The following DMD variants were observed in gnomAD, a reference collection of about 807,000 sequenced individuals.
The protein encoded by DMD is mutant dystrophin.
Under a neutral mutation model 330.1 loss-of-function variants are expected in DMD, and 63 were observed. The ratio of observed to expected loss-of-function variants is 0.19; its 90% confidence interval spans 0.16 to 0.24. The LOEUF (loss-of-function observed/expected upper bound fraction) is 0.24, where lower values mean the gene tolerates loss of function less well. DMD is among the 10% of genes least tolerant of loss of function. The probability of loss-of-function intolerance (pLI) is 1.00; values close to 1 mark genes in which losing one functional copy is unlikely to be tolerated. For synonymous variants in DMD, 1,223 were observed against 959.8 expected (o/e 1.27, Z -5.07); for missense variants, 3,344 against 2,684.1 (o/e 1.25, Z -5.43).
intron 44 of DMD, among the ~76,000 whole-genome samples, chrX:32,193,619 A>G (rs1379107): frequency 0.22 from 24,540 of 110,147 alleles, 2,222 homozygotes; most frequent in Middle Eastern, 0.36. Context: ...GTTTCCCCCA[A>G]AAAGGAGGGA....
intron 9 of DMD, among the ~76,000 whole-genome samples, chrX:32,646,262 C>T (rs964750747): frequency 9.0e-6 from 1 of 111,168 alleles, no homozygotes; most frequent in African/African-American, 3.3e-5. Context: ...TTATCAAGGG[C>T]AAAAATTTGA....
chrX:32,645,196 G>A, intron 9 of DMD, 44 bp from the exon 10 acceptor site: 1 of 1,165,564 alleles, frequency 8.6e-7, no homozygotes, highest in Non-Finnish European at 1.2e-6. Context: ...TAATGTCTTT[G>A]CAGATTGTTC....
In DMD at chrX:31,743,927, G is replaced by A. The variant is rs1000180682; in HGVS notation, c.7543-14179C>T. 1.4e-4 allele frequency among the ~76,000 whole-genome samples: 15 copies of A among 110,648 alleles called. No homozygotes were observed. The Admixed American group carries it at 1.4e-3, about 11-fold the overall frequency. On this transcript the variant is annotated intron_variant, in intron 51 of 78. Coordinates refer to ENST00000357033, the MANE Select transcript of DMD (RefSeq NM_004006.3). ...GCTGGAGGGCACTGGAGTGAACATG[G>A]CTTACTGCCGCCTTGACCTCCTGGG...
chrX:31,171,775 A>G (rs1204253984), intron 73 of DMD, among the ~76,000 whole-genome samples: 1 of 111,709 alleles, frequency 9.0e-6, no homozygotes, highest in Non-Finnish European at 1.9e-5. Context: ...TTGGCTTATC[A>G]TCCTGCTAAC....
chrX:32,949,034 C>A (rs1000018548), intron 2 of DMD, among the ~76,000 whole-genome samples: 2 of 110,694 alleles, frequency 1.8e-5, no homozygotes, highest in Admixed American at 1.9e-4. Context: ...TCATGATGTT[C>A]TGTTTGCTCG....
rs1198283164 is a variant in DMD at position 31,120,565 on chromosome X, C to G, written c.*1354G>C. 8.9e-6 allele frequency: 1 copy of G among 111,792 alleles called. No individual in the cohort carries two copies. Among genetic ancestry groups the G allele is most frequent in the African/African-American group, 3.2e-5 (1 of 30,808 alleles). 9.2% of individuals were successfully genotyped at this position (111,792 alleles called of 1,213,427 possible). A position where few individuals can be genotyped will look rare whatever the true frequency, so the allele number is the denominator to read the frequency against. On this transcript the variant is annotated 3_prime_UTR_variant, in exon 79 of 79. Coordinates refer to ENST00000357033, the MANE Select transcript of DMD (RefSeq NM_004006.3). ...TGGGACAATAAATCTAAAAAAGCAA[C>G]AAAAACCAAACCACCCAGTTCCTTT...
chrX:32,102,633 T>G (rs1386994225), intron 44 of DMD, among the ~76,000 whole-genome samples: 1 of 111,296 alleles, frequency 9.0e-6, no homozygotes, highest in Non-Finnish European at 1.9e-5. Flanking sequence ...CAAATCTATA[T>G]TTATTTAAAT....
chrX:32,728,551 T>A (rs1291625906), intron 7 of DMD, among the ~76,000 whole-genome samples: 1 of 111,763 alleles, frequency 8.9e-6, no homozygotes, highest in Non-Finnish European at 1.9e-5. Flanking sequence ...GTAGACCACA[T>A]AAATGTCATG....
At chrX:31,351,016 G>T (rs180774153) in intron 60 of DMD, among the ~76,000 whole-genome samples, 33 of 110,839 alleles carry the variant, frequency 3.0e-4, no homozygotes, top group Middle Eastern at 4.6e-3. Flanking sequence ...TGGTTCTCAG[G>T]CCTTCAGACT....
At chrX:32,612,321 T>C (rs890822744) in intron 12 of DMD, among the ~76,000 whole-genome samples, 2 of 111,867 alleles carry the variant, frequency 1.8e-5, no homozygotes, top group Non-Finnish European at 3.8e-5. Context: ...GCTGAAATGG[T>C]TCTGCACCAG....
Position 32,477,563 on chromosome X carries a change from G to C in DMD, c.2804-5254C>G, listed in dbSNP as rs151250794. 1.0e-3 allele frequency among the ~76,000 whole-genome samples: 116 copies of C among 110,996 alleles called. 2 individuals carry two copies. In the East Asian group the frequency reaches 0.028, roughly 26 times the overall value. Reference sequence around the variant, plus strand: ...TCTTTTGTGATAACAAAAGAGCTAAGTATGAAATTAGATGCTACATTTTCT... The same window carrying C: ...TCTTTTGTGATAACAAAAGAGCTAACTATGAAATTAGATGCTACATTTTCT... On this transcript the variant is annotated intron_variant, in intron 21 of 78. Transcript: ENST00000357033.
At chrX:31,818,480 G>A (rs1319248426) in intron 50 of DMD, among the ~76,000 whole-genome samples, 1 of 111,048 alleles carries the variant, frequency 9.0e-6, no homozygotes, top group Admixed American at 9.7e-5. Flanking sequence ...CATGTGTAAC[G>A]TGGCTTATAT....
intron 49 of DMD, among the ~76,000 whole-genome samples, chrX:31,824,823 C>T (rs1323705713): frequency 9.0e-6 from 1 of 111,326 alleles, no homozygotes; most frequent in African/African-American, 3.3e-5. Flanking sequence ...AAGAATTCAT[C>T]ACTTCCTAAT....
intron 44 of DMD, among the ~76,000 whole-genome samples, chrX:32,129,107 T>C (rs1028680342): frequency 1.8e-5 from 2 of 111,636 alleles, no homozygotes; most frequent in Non-Finnish European, 3.8e-5. Flanking sequence ...ATCTTTTCCA[T>C]ACTAAAAATG....
At chrX:32,065,969 A>C (rs1304252491) in intron 44 of DMD, among the ~76,000 whole-genome samples, 1 of 111,278 alleles carries the variant, frequency 9.0e-6, no homozygotes, top group Non-Finnish European at 1.9e-5. Flanking sequence ...AAATCTCAAC[A>C]GTCTAAAGAA....
intron 59 of DMD, among the ~76,000 whole-genome samples, chrX:31,471,315 C>T (rs766685336): frequency 4.5e-5 from 5 of 112,089 alleles, no homozygotes; most frequent in African/African-American, 9.7e-5. Context: ...CTGCATGTTG[C>T]GGAGGCTGTG....
chrX:32,675,129 C>T (rs1365087303), intron 9 of DMD, among the ~76,000 whole-genome samples: 1 of 111,505 alleles, frequency 9.0e-6, no homozygotes, highest in Non-Finnish European at 1.9e-5. Flanking sequence ...ATTAATGACA[C>T]TGATGCTATT....
chrX:33,217,390 T>G (rs1003064637), intron 1 of DMD, among the ~76,000 whole-genome samples: 1 of 112,006 alleles, frequency 8.9e-6, no homozygotes, highest in Admixed American at 9.5e-5. Context: ...ATATTTACTA[T>G]GTTGTATCCT....
intron 7 of DMD, among the ~76,000 whole-genome samples, chrX:32,719,009 C>T (rs1316737101): frequency 5.4e-5 from 6 of 111,532 alleles, no homozygotes; most frequent in Non-Finnish European, 1.1e-4. Context: ...TTCTTGGTAG[C>T]AAAATAGTCT....
Sources: allele counts gnomAD v4.1 joint callset (sites outside exome capture counted in the v4.1 genomes callset), GRCh38; gene constraint gnomAD v4.1.1; transcripts MANE v1.5; gene names NCBI Gene and HGNC (gene_info 2026-07-23, HGNC 2026-07-21).